Variants in ROR1 observed in about 807,000 individuals in gnomAD.
ROR1 encodes the protein inactive tyrosine-protein kinase transmembrane receptor ROR1.
ROR1 carries 19 observed loss-of-function variants against 78.8 expected under a neutral mutation model. The observed-to-expected ratio is 0.24, with a 90% confidence interval of 0.17 to 0.35. The LOEUF is 0.35. ROR1 is among the 10% of genes least tolerant of loss of function. ROR1 has a pLI of 1.00. For missense variants in ROR1, 917 were observed against 1,177.8 expected (o/e 0.78, Z 3.24); for synonymous variants, 386 against 433.6 (o/e 0.89, Z 1.36).
chr1:64,147,214 T>C (rs535416530), intron 7 of ROR1, among the ~76,000 whole-genome samples: 2 of 152,314 alleles, frequency 1.3e-5, no homozygotes, highest in East Asian at 3.9e-4. Context: ...ATAGCAATGT[T>C]GAAAACCCTT....
At chr1:63,988,993 C>T (rs1646273058) in intron 1 of ROR1, among the ~76,000 whole-genome samples, 1 of 152,040 alleles carries the variant, frequency 6.6e-6, no homozygotes, top group African/African-American at 2.4e-5. Flanking sequence ...TATATATTCC[C>T]AAAAGCAATT....
chr1:64,062,587 A>G (rs980619784), intron 4 of ROR1, among the ~76,000 whole-genome samples: 1 of 152,156 alleles, frequency 6.6e-6, no homozygotes, highest in Admixed American at 6.5e-5. Context: ...CTGGGATTAC[A>G]GGCATGAGCC....
intron 4 of ROR1, among the ~76,000 whole-genome samples, chr1:64,120,921 T>C (rs1207313468): frequency 6.6e-6 from 1 of 152,140 alleles, no homozygotes; most frequent in Admixed American, 6.5e-5. Context: ...AGGGTATCTC[T>C]GTTCCCAGTG....
intron 1 of ROR1, among the ~76,000 whole-genome samples, chr1:63,970,936 T>C (rs285337): frequency 0.66 from 100,748 of 152,102 alleles, 37,987 homozygotes; most frequent in East Asian, 0.94. Flanking sequence ...AATCTTTAGC[T>C]CTAACCTTCT....
chr1:63,785,007 C>G (rs1272489618), intron 1 of ROR1, among the ~76,000 whole-genome samples: 1 of 152,200 alleles, frequency 6.6e-6, no homozygotes, highest in Non-Finnish European at 1.5e-5. Context: ...AGGGCAGGGA[C>G]TTTCTTATGC....
At chr1:64,140,015 T>C in intron 5 of ROR1, 94 bp from the exon 6 acceptor site, 2 of 1,159,688 alleles carry the variant, frequency 1.7e-6, no homozygotes, top group Non-Finnish European at 1.2e-6. Context: ...GCGGATTCCT[T>C]GCAATGTGTG....
Position 63,774,887 on chromosome 1 carries a change from G to A in ROR1, c.91+379G>A, listed in dbSNP as rs997476271. Among the ~76,000 whole-genome samples, 2 of 152,128 alleles carry A rather than the reference G, an allele frequency of 1.3e-5. No homozygotes were observed. Among genetic ancestry groups the A allele is most frequent in the African/African-American group, 4.8e-5 (2 of 41,434 alleles). ...CGCGCCCCAGCCGGTGTTCAGGCAA[G>A]TCTATCCTGCCCCCAAGTTGCGAGC... On this transcript the variant is annotated intron_variant, in intron 1 of 8. Transcript: ENST00000371079. This position sits in a 1 kb window ranked among gnomAD's most constrained non-coding sequence, Gnocchi z 5.7.
At chr1:64,045,890 A>G (rs1646779262) in intron 2 of ROR1, among the ~76,000 whole-genome samples, 1 of 152,156 alleles carries the variant, frequency 6.6e-6, no homozygotes, top group Admixed American at 6.6e-5. Flanking sequence ...CCTACCTCCC[A>G]CTTACCATCT....
chr1:64,018,980 G>A (rs941315780), intron 2 of ROR1, among the ~76,000 whole-genome samples: 6 of 152,136 alleles, frequency 3.9e-5, no homozygotes, highest in African/African-American at 7.2e-5. Flanking sequence ...CAGTGATAGA[G>A]CAGTAATTCT....
At chr1:64,066,917 G>A (rs1281972615) in intron 4 of ROR1, among the ~76,000 whole-genome samples, 1 of 151,918 alleles carries the variant, frequency 6.6e-6, no homozygotes, top group Admixed American at 6.6e-5. Flanking sequence ...ATACAATGTA[G>A]TATTTTGATA....
Position 63,774,553 on chromosome 1 carries a change from C to A in ROR1, c.91+45C>A. 1.0e-6 allele frequency: 1 copy of A among 994,108 alleles called. No individual in the cohort carries two copies. Among genetic ancestry groups the A allele is most frequent in the South Asian group, 4.6e-5 (1 of 21,698 alleles). The allele number at this position is 994,108 out of a possible 1,614,324, so 61.6% of individuals were successfully genotyped here. ...CCCCGCCCGCCCAGACCCCCTGACC[C>A]GTGGCCACCCTTCCGCCGTCCAGCC... On this transcript the variant is annotated intron_variant, in intron 1 of 8. Transcript: ENST00000371079. This position sits in a 1 kb window ranked among gnomAD's most constrained non-coding sequence, Gnocchi z 5.7.
At chr1:63,814,848 A>G (rs1644880709) in intron 1 of ROR1, among the ~76,000 whole-genome samples, 1 of 152,160 alleles carries the variant, frequency 6.6e-6, no homozygotes. Flanking sequence ...CTAACAGGCC[A>G]TGGACCAGTA....
intron 1 of ROR1, among the ~76,000 whole-genome samples, chr1:63,812,875 A>G (rs1448512832): frequency 6.6e-6 from 1 of 152,110 alleles, no homozygotes; most frequent in Non-Finnish European, 1.5e-5. Flanking sequence ...AGAGAGGCTG[A>G]GTTACTTGCT....
intron 1 of ROR1, among the ~76,000 whole-genome samples, chr1:64,006,224 G>T (rs373959133): frequency 3.6e-4 from 55 of 152,342 alleles, no homozygotes; most frequent in African/African-American, 1.3e-3. Flanking sequence ...TGTAAATGCT[G>T]TCAAGGTTCA....
chr1:63,794,204 C>A (rs1440016366), intron 1 of ROR1, among the ~76,000 whole-genome samples: 1 of 152,198 alleles, frequency 6.6e-6, no homozygotes, highest in African/African-American at 2.4e-5. Flanking sequence ...CTTAGGCAAA[C>A]CTCAAAGCTT....
At chr1:64,142,310 T>A in intron 6 of ROR1, 95 bp from the exon 7 acceptor site, 1 of 1,531,000 alleles carries the variant, frequency 6.5e-7, no homozygotes, top group Non-Finnish European at 8.8e-7. Flanking sequence ...CGAGGTTAAT[T>A]ACCTGCCCTC....
intron 1 of ROR1, among the ~76,000 whole-genome samples, chr1:63,855,388 T>A (rs1232788428): frequency 6.6e-6 from 1 of 152,240 alleles, no homozygotes; most frequent in Non-Finnish European, 1.5e-5. Flanking sequence ...TTAAATACTA[T>A]ATTTGATACT....
At chr1:63,968,171 T>C (rs1455957689) in intron 1 of ROR1, among the ~76,000 whole-genome samples, 1 of 152,154 alleles carries the variant, frequency 6.6e-6, no homozygotes, top group Non-Finnish European at 1.5e-5. Context: ...TAGGAATATG[T>C]TCTAGCGAAA....
At chr1:63,890,082 G>A (rs561815626) in intron 1 of ROR1, among the ~76,000 whole-genome samples, 76 of 147,694 alleles carry the variant, frequency 5.1e-4, no homozygotes, top group Non-Finnish European at 8.4e-4. Flanking sequence ...TCTTCCTGTC[G>A]TGACCTACTT....
Sources: gnomAD v4.1 joint callset for allele counts (sites outside exome capture counted in the v4.1 genomes callset) on GRCh38, gnomAD v4.1.1 for gene constraint, Gnocchi (gnomAD v3.1) non-coding constraint, MANE v1.5 for transcripts, NCBI Gene and HGNC (gene_info 2026-07-23, HGNC 2026-07-21) for gene names.